Variants in ZNF277 observed in about 807,000 individuals in gnomAD.
ZNF277 encodes nuclear receptor-interacting factor 4.
In ZNF277, 55 loss-of-function variants were observed where a neutral mutation model predicts 60.7. The ratio of observed to expected loss-of-function variants is 0.91; its 90% CI spans 0.73 to 1.13. The LOEUF (loss-of-function observed/expected upper bound fraction) is 1.13. Ranked by LOEUF, ZNF277 falls within the 50% of genes most tolerant of loss-of-function variation. ZNF277 has a pLI of 0.00. For synonymous variants in ZNF277, 178 were observed against 179.3 expected, an observed-to-expected ratio of 0.99 and a Z score of 0.06; for missense variants, 510 against 523.0, an observed-to-expected ratio of 0.98 and a Z score of 0.24.
At chr7:112,220,626 G>A (rs559527769) in intron 1 of ZNF277, among the ~76,000 whole-genome samples, 2 of 152,178 alleles carry the variant, frequency 1.3e-5, no homozygotes, top group Non-Finnish European at 2.9e-5. Context: ...TTTCACTGCT[G>A]AGTATGTTAG....
chr7:112,259,606 T>C (rs923607789), intron 1 of ZNF277, among the ~76,000 whole-genome samples: 2 of 152,130 alleles, frequency 1.3e-5, no homozygotes, highest in African/African-American at 2.4e-5. Flanking sequence ...TTTCGTAGTT[T>C]TGTTTGCAGT....
chr7:112,331,975 C>A (rs1793237075), intron 7 of ZNF277, among the ~76,000 whole-genome samples: 1 of 152,130 alleles, frequency 6.6e-6, no homozygotes, highest in Admixed American at 6.6e-5. Flanking sequence ...CTTATTCTGC[C>A]AGCACTTTTA....
chr7:112,285,830 A>T (rs572504705), intron 1 of ZNF277, among the ~76,000 whole-genome samples: 210 of 152,354 alleles, frequency 1.4e-3, no homozygotes, highest in Admixed American at 2.9e-3. Flanking sequence ...AGGGAAAAAA[A>T]TAGGAAACTT....
At chr7:112,224,770 T>C (rs1248581372) in intron 1 of ZNF277, among the ~76,000 whole-genome samples, 1 of 152,098 alleles carries the variant, frequency 6.6e-6, no homozygotes, top group African/African-American at 2.4e-5. Flanking sequence ...GGTCAATGAG[T>C]CTTTGTTCAG....
intron 4 of ZNF277, among the ~76,000 whole-genome samples, chr7:112,307,092 T>A (rs1792613551): frequency 6.6e-6 from 1 of 152,126 alleles, no homozygotes; most frequent in Non-Finnish European, 1.5e-5. Flanking sequence ...TGCTAAAGAA[T>A]GGTCCCCAGA....
intron 1 of ZNF277, among the ~76,000 whole-genome samples, chr7:112,245,566 T>C (rs1214601621): frequency 6.6e-6 from 1 of 152,140 alleles, no homozygotes; most frequent in East Asian, 1.9e-4. Flanking sequence ...GAGATCAAGG[T>C]GTCAGCAGGA....
chr7:112,239,268 A>G (rs909199880), intron 1 of ZNF277, among the ~76,000 whole-genome samples: 3 of 152,202 alleles, frequency 2.0e-5, no homozygotes, highest in Non-Finnish European at 2.9e-5. Flanking sequence ...TCTAAGCCCT[A>G]GCTCCTGGAC....
At chr7:112,234,157 T>C (rs1473300028) in intron 1 of ZNF277, among the ~76,000 whole-genome samples, 1 of 152,204 alleles carries the variant, frequency 6.6e-6, no homozygotes, top group Non-Finnish European at 1.5e-5. Context: ...TTTGAAAAAA[T>C]GCTGCAGTAA....
intron 4 of ZNF277, among the ~76,000 whole-genome samples, chr7:112,296,770 T>C (rs909474116): frequency 6.6e-6 from 1 of 151,580 alleles, no homozygotes; most frequent in Non-Finnish European, 1.5e-5. Context: ...GCCTTTCTGG[T>C]TTTCAGGCTT....
chr7:112,271,425 A>G (rs565464135), intron 1 of ZNF277, among the ~76,000 whole-genome samples: 1 of 152,322 alleles, frequency 6.6e-6, no homozygotes, highest in African/African-American at 2.4e-5. Context: ...GATGGGATTT[A>G]TGATACTTAA....
chr7:112,209,242 ACTGG>A (rs1322705975), intron 1 of ZNF277, among the ~76,000 whole-genome samples: 1 of 152,072 alleles, frequency 6.6e-6, no homozygotes, highest in Non-Finnish European at 1.5e-5. Flanking sequence ...ATTCTTGCCC[ACTGG>A]TTGTATATTT....
At chr7:112,276,384 G>T (rs868445219) in intron 1 of ZNF277, among the ~76,000 whole-genome samples, 6 of 152,062 alleles carry the variant, frequency 3.9e-5, no homozygotes, top group Admixed American at 1.3e-4. Flanking sequence ...TGAACAAATG[G>T]GCTTCCCTAG....
At chr7:112,230,192 C>T (rs567474842) in intron 1 of ZNF277, among the ~76,000 whole-genome samples, 10 of 152,144 alleles carry the variant, frequency 6.6e-5, no homozygotes, top group Admixed American at 1.3e-4. Context: ...TCTGGGAGGC[C>T]AAGGTGGGTG....
At chr7:112,297,878 T>G (rs1482124849) in intron 4 of ZNF277, among the ~76,000 whole-genome samples, 1 of 152,218 alleles carries the variant, frequency 6.6e-6, no homozygotes, top group Admixed American at 6.5e-5. Flanking sequence ...CAGCCATTCT[T>G]GTTCTTTAGC....
intron 5 of ZNF277, among the ~76,000 whole-genome samples, chr7:112,324,120 C>T (rs1182064756): frequency 6.6e-6 from 1 of 152,076 alleles, no homozygotes; most frequent in South Asian, 2.1e-4. Context: ...GGTTACATCT[C>T]AATAAAGTCA....
At chr7:112,207,966 G>A (rs1203515267) in intron 1 of ZNF277, among the ~76,000 whole-genome samples, 1 of 152,048 alleles carries the variant, frequency 6.6e-6, no homozygotes, top group Admixed American at 6.5e-5. Flanking sequence ...TTTTTGGGTT[G>A]GTTATATATT....
Position 112,292,078 on chromosome 7 carries a change from G to A in ZNF277, c.294-3791G>A, listed in dbSNP as rs527373854. ...ATTTGAGGAGGGCAACCGAGGTTCT[G>A]CCAGGCAGAATCTCCCCATGATTCT... On this transcript the variant is annotated intron_variant, in intron 2 of 11. Transcript: ENST00000361822. Among the ~76,000 whole-genome samples the A allele has an allele frequency of 2.0e-5, 3 of 152,232 alleles. No individual in the cohort carries two copies. The South Asian group carries it at 6.2e-4, about 32-fold the overall frequency.
intron 4 of ZNF277, among the ~76,000 whole-genome samples, chr7:112,314,723 G>A (rs548275457): frequency 5.0e-4 from 76 of 152,190 alleles, no homozygotes; most frequent in Non-Finnish European, 9.1e-4. Context: ...TTGAGCCCAC[G>A]AAGTCGAGGC....
In ZNF277 at chr7:112,314,439, T is replaced by C. The variant is rs892437855; in HGVS notation, c.466-3743T>C. ...CACAACTAAATAGTGTCATATGTTC[T>C]TGCTATTCCCTATAACATAGGATTG... is the stretch of plus-strand genomic sequence containing the variant. On this transcript the variant is annotated intron_variant, in intron 4 of 11. Transcript: ENST00000361822. 7.9e-5 allele frequency among the ~76,000 whole-genome samples: 12 copies of C among 152,104 alleles called. 1 individual carries two copies. The highest frequency in any genetic ancestry group is 7.2e-4 in the Admixed American group (11 of 15,252).
Sources: gnomAD v4.1 joint callset for allele counts (sites outside exome capture counted in the v4.1 genomes callset) on GRCh38, gnomAD v4.1.1 for gene constraint, MANE v1.5 for transcripts, NCBI Gene and HGNC (gene_info 2026-07-23, HGNC 2026-07-21) for gene names.